PSD3: variants seen among roughly 807,000 people sequenced by gnomAD.
The protein encoded by PSD3 is pleckstrin and Sec7 domain containing 3, also known as PH and SEC7 domain-containing protein 3.
Under a neutral mutation model 105.5 loss-of-function variants are expected in PSD3, and 49 were observed. The observed-to-expected ratio is 0.46, with a 90% CI of 0.37 to 0.59. The LOEUF (loss-of-function observed/expected upper bound fraction) is 0.59, where lower values mean the gene tolerates loss of function less well. PSD3 is among the 20% of genes least tolerant of loss of function. The pLI is 0.00. For missense variants in PSD3, 1,561 were observed against 1,263.8 expected, an observed-to-expected ratio of 1.24 and a Z score of -3.57; for synonymous variants, 557 against 457.8, an observed-to-expected ratio of 1.22 and a Z score of -2.77.
chr8:18,949,252 T>TATATATATATATATACAC (rs1823082856), intron 1 of PSD3, among the ~76,000 whole-genome samples: 1 of 59,666 alleles, frequency 1.7e-5, no homozygotes, highest in Admixed American at 1.7e-4. Context: ...AAAATATATA[T>TATATATATATATATACAC]ATATATATAT....
chr8:18,664,317 A>C (rs986246406), intron 9 of PSD3, among the ~76,000 whole-genome samples: 2 of 152,200 alleles, frequency 1.3e-5, no homozygotes, highest in Admixed American at 6.5e-5. Context: ...GAACACACAA[A>C]ATATAAGAGA....
chr8:18,912,242 C>T (rs906302904), intron 2 of PSD3, among the ~76,000 whole-genome samples: 1 of 152,068 alleles, frequency 6.6e-6, no homozygotes, highest in African/African-American at 2.4e-5. Context: ...TTTTGACAAA[C>T]CTCCAGATTA....
At chr8:19,028,513 G>A (rs1827649573) in intron 1 of PSD3, among the ~76,000 whole-genome samples, 1 of 151,840 alleles carries the variant, frequency 6.6e-6, no homozygotes, top group Admixed American at 6.6e-5. Context: ...GAGCCATTGT[G>A]CCCAACTCCC....
At chr8:18,937,804 G>A (rs1458733601) in intron 1 of PSD3, among the ~76,000 whole-genome samples, 1 of 152,198 alleles carries the variant, frequency 6.6e-6, no homozygotes, top group Non-Finnish European at 1.5e-5. Flanking sequence ...TGCCACGTAA[G>A]GTGCCCTAAT....
At chr8:18,683,696 T>C (rs768042813) in intron 9 of PSD3, 202 of 722,432 alleles carry the variant, frequency 2.8e-4, no homozygotes, top group Non-Finnish European at 2.7e-4. Flanking sequence ...CACTGCACAT[T>C]AGACACTGCC....
At chr8:18,556,718 T>G (rs1451950282) in intron 14 of PSD3, among the ~76,000 whole-genome samples, 3 of 152,226 alleles carry the variant, frequency 2.0e-5, no homozygotes, top group Non-Finnish European at 4.4e-5. Context: ...ACACCTTGGC[T>G]TTCCCATTTC....
intron 9 of PSD3, among the ~76,000 whole-genome samples, chr8:18,700,124 G>C (rs996081640): frequency 5.9e-5 from 9 of 152,112 alleles, no homozygotes; most frequent in African/African-American, 2.2e-4. Context: ...TAGAGAAACA[G>C]AACCTGAAAT....
At chr8:19,056,988 T>C (rs1828729957) in intron 1 of PSD3, among the ~76,000 whole-genome samples, 1 of 152,148 alleles carries the variant, frequency 6.6e-6, no homozygotes, top group Non-Finnish European at 1.5e-5. Context: ...AACTTTCATC[T>C]TGCTATCACC....
At chr8:18,961,367 G>A (rs927218062) in intron 1 of PSD3, among the ~76,000 whole-genome samples, 3 of 152,068 alleles carry the variant, frequency 2.0e-5, no homozygotes, top group African/African-American at 7.2e-5. Context: ...AGACAAGGAG[G>A]ACAAAAATAA....
intron 11 of PSD3, among the ~76,000 whole-genome samples, chr8:18,623,123 G>A (rs1806236095): frequency 6.6e-6 from 1 of 151,942 alleles, no homozygotes; most frequent in Non-Finnish European, 1.5e-5. Context: ...AGATTCAAAC[G>A]GTCCTCCTGC....
At chr8:19,038,515 G>A (rs1249927848) in intron 1 of PSD3, among the ~76,000 whole-genome samples, 2 of 152,122 alleles carry the variant, frequency 1.3e-5, no homozygotes, top group African/African-American at 4.8e-5. Context: ...TGCCCAGACT[G>A]CAGTGCAGTA....
chr8:18,817,239 G>C (rs1812290889), intron 4 of PSD3, among the ~76,000 whole-genome samples: 1 of 152,212 alleles, frequency 6.6e-6, no homozygotes, highest in Non-Finnish European at 1.5e-5. Context: ...ATTTACAAAA[G>C]GTTATTAGTA....
In PSD3 at chr8:18,868,023, G is replaced by T. The variant is rs181164284; in HGVS notation, c.1285C>A (p.Leu429Ile). The change falls in exon 4 of 16, where the codon CTT becomes ATT. Residue 429 changes from leucine to isoleucine, a missense_variant. Transcript: ENST00000327040. ...EHVKGEDEDI[L>I]GPGYTEDSTD... ...GAGTCCTCCGTATATCCAGGCCCAA[G>T]GATGTCTTCATCTTCCCCCTTAACG... The T allele has an allele frequency of 1.2e-4, 200 of 1,613,494 alleles. No individual in the cohort carries two copies. In the African/African-American group the frequency reaches 2.2e-3, roughly 18 times the overall value.
intron 1 of PSD3, among the ~76,000 whole-genome samples, chr8:18,951,077 G>A (rs1251405171): frequency 2.6e-5 from 4 of 152,134 alleles, no homozygotes; most frequent in African/African-American, 9.7e-5. Flanking sequence ...TATTCATTCT[G>A]GAACTATATG....
At chr8:18,605,093 A>T (rs1804720085) in intron 11 of PSD3, among the ~76,000 whole-genome samples, 1 of 152,266 alleles carries the variant, frequency 6.6e-6, no homozygotes, top group African/African-American at 2.4e-5. Flanking sequence ...GAGCTGTGAG[A>T]AAAGGGCCAT....
At chr8:18,904,375 C>T (rs1418893675) in intron 2 of PSD3, among the ~76,000 whole-genome samples, 2 of 152,194 alleles carry the variant, frequency 1.3e-5, no homozygotes, top group Admixed American at 1.3e-4. Flanking sequence ...CACTCCAACC[C>T]AGGCTGTGCC....
intron 9 of PSD3, among the ~76,000 whole-genome samples, chr8:18,702,633 G>C (rs548235246): frequency 3.9e-4 from 59 of 151,054 alleles, no homozygotes; most frequent in African/African-American, 1.3e-3. Context: ...CTTTTTTTGA[G>C]ATGGAATCTC....
chr8:18,915,915 G>A (rs916692874), intron 2 of PSD3, among the ~76,000 whole-genome samples: 1 of 152,036 alleles, frequency 6.6e-6, no homozygotes, highest in Non-Finnish European at 1.5e-5. Flanking sequence ...GACCAACATG[G>A]AGAAACCCTG....
intron 11 of PSD3, among the ~76,000 whole-genome samples, chr8:18,621,626 G>A (rs137983330): frequency 1.9e-3 from 286 of 152,242 alleles, no homozygotes; most frequent in African/African-American, 6.5e-3. Flanking sequence ...GTGACAAGGT[G>A]CTCCTGCGCG....
Sources: gnomAD v4.1 joint callset for allele counts (sites outside exome capture counted in the v4.1 genomes callset) on GRCh38, gnomAD v4.1.1 for gene constraint, MANE v1.5 for transcripts, NCBI Gene and HGNC (gene_info 2026-07-23, HGNC 2026-07-21) for gene names.